The following MUC17 variants were observed in gnomAD, a reference collection of about 807,000 sequenced individuals.
MUC17 encodes the protein mucin 17, cell surface associated.
Under a neutral mutation model 170.3 loss-of-function variants are expected in MUC17, and 190 were observed. The observed-to-expected ratio is 1.12, with a 90% CI of 0.99 to 1.26. MUC17 has a LOEUF of 1.26. MUC17 is among the 50% of genes most tolerant of loss of function. The pLI, the probability that MUC17 is intolerant of heterozygous loss-of-function variation, is 0.00. For synonymous variants in MUC17, 2,325 were observed against 2,002.5 expected (o/e 1.16, Z -4.30); for missense variants, 6,415 against 5,530.0 (o/e 1.16, Z -5.08).
chr7:101,028,092 C>CTT (rs368730167), intron 1 of MUC17, among the ~76,000 whole-genome samples: 8 of 127,386 alleles, frequency 6.3e-5, no homozygotes, highest in Non-Finnish European at 8.4e-5. Flanking sequence ...TTTTTTAATT[C>CTT]TTTTTTTTTT....
Position 101,035,939 on chromosome 7 carries a change from C to T in MUC17, c.4523C>T (p.Thr1508Met), listed in dbSNP as rs374713003. 338 of 1,612,636 alleles carry T rather than the reference C, an allele frequency of 2.1e-4. 2 individuals are homozygous for T. The highest frequency in any genetic ancestry group is 3.2e-4 in the South Asian group (29 of 90,918). The change falls in exon 3 of 13, where the codon ACG (threonine) becomes ATG (methionine). Residue 1508 changes from threonine (T) to methionine (M), a missense_variant. Physicochemically the swap from Thr to Met is moderately conservative, Grantham distance 81. Transcript: ENST00000306151. ...GAAGGTACCAGCATAGCAATCTCAA[C>T]GCCTAGTGAAGGAAGCACTGCATTA... is the stretch of plus-strand genomic sequence containing the variant. ...PAEGTSIAIS[T>M]PSEGSTALTS...
chr7:101,020,368 C>A, intron 1 of MUC17, 151 bp downstream of exon 1: 1 of 513,846 alleles, frequency 1.9e-6, no homozygotes, highest in Non-Finnish European at 3.2e-6. Flanking sequence ...ACCCCCTGGA[C>A]TTCTCTTCTC....
Position 101,042,537 on chromosome 7 carries a change from C to A in MUC17, c.11121C>A (p.Thr3707=). ...TTMPVSTTRV[T]SSEGSTLSTP... ...TGCCTGTCAGCACCACACGTGTGACCAGCTCTGAGGGTAGCACCCTTTCAA... is the reference window on the plus strand; with the variant it reads ...TGCCTGTCAGCACCACACGTGTGACAAGCTCTGAGGGTAGCACCCTTTCAA... Residue 3707 remains threonine, a synonymous_variant, in exon 3 of 13, where the codon ACC becomes ACA. Transcript: ENST00000306151. The A allele has an allele frequency of 6.2e-7, 1 of 1,613,896 alleles. No individual in the cohort carries two copies. Among genetic ancestry groups the A allele is most frequent in the Non-Finnish European group, 8.5e-7 (1 of 1,179,970 alleles).
In MUC17 at chr7:101,040,696, A is replaced by T; in HGVS notation, c.9280A>T (p.Ser3094Cys). ...ATCTCCTACACCTGCTGAAGGTACC[A>T]GCATGCCAATCTCAACTTATAGTGA... ...SSSPTPAEGTSMPISTYSEGS... is the reference protein window; with the variant it reads ...SSSPTPAEGTCMPISTYSEGS... Residue 3094 changes from serine to cysteine, a missense_variant, in exon 3 of 13, where the codon AGC becomes TGC. Physicochemically the swap from Ser to Cys is moderately radical, Grantham distance 112. Coordinates refer to ENST00000306151, the MANE Select transcript of MUC17 (RefSeq NM_001040105.2). 2 of 1,613,286 alleles carry T rather than the reference A, an allele frequency of 1.2e-6. No individual in the cohort carries two copies. The highest frequency in any genetic ancestry group is 4.5e-5 in the East Asian group (2 of 44,802).
At position 101,033,732 on chromosome 7, in the gene MUC17, T is replaced by G; in HGVS notation, c.2316T>G (p.Leu772=). 6.2e-7 allele frequency: 1 copy of G among 1,613,830 alleles called. No individual in the cohort carries two copies. ...SEASTLSTTP[L]DTSTHITTST... is the part of the protein sequence containing the mutation. The stretch of plus-strand genomic sequence containing the variant: ...CTAGCACCCTTTCAACAACTCCTCT[T>G]GACACAAGCACACATATCACCACTT... The change falls in exon 3 of 13, where the codon CTT becomes CTG. Residue 772 remains leucine (L), a synonymous_variant. Transcript: ENST00000306151.
At position 101,053,395 on chromosome 7, in the gene MUC17, C is replaced by G. The variant is rs1345521759; in HGVS notation, c.13322C>G (p.Ala4441Gly). The G allele has an allele frequency of 6.2e-7, 1 of 1,614,158 alleles. No homozygotes were observed. The highest frequency in any genetic ancestry group is 1.7e-5 in the Admixed American group (1 of 60,016). The change falls in exon 11 of 13, where the codon GCT (alanine) becomes GGT (glycine). Residue 4441 changes from alanine (A) to glycine (G), a missense_variant. Physicochemically the swap from Ala to Gly is moderately conservative, Grantham distance 60. Coordinates refer to ENST00000306151, the MANE Select transcript of MUC17 (RefSeq NM_001040105.2). ...TGGCAAGAAGAGGACAGTGGACCAGCTCCTGGGACCTTCCAAAACATTGGC... is the reference window on the plus strand; with the variant it reads ...TGGCAAGAAGAGGACAGTGGACCAGGTCCTGGGACCTTCCAAAACATTGGC... ...YKWQEEDSGP[A>G]PGTFQNIGFD...
chr7:101,040,456 A>G lies in MUC17; in HGVS notation c.9040A>G (p.Thr3014Ala). 1 of 1,610,722 alleles carries G rather than the reference A, an allele frequency of 6.2e-7. No individual in the cohort carries two copies. The highest frequency in any genetic ancestry group is 8.5e-7 in the Non-Finnish European group (1 of 1,178,706). ...ASTLSRTPAD[T>A]STPVTTSTEA... ...CACCCTTTCAAGAACTCCTGCTGAC[A>G]CCAGCACACCTGTGACCACTTCTAC... The change falls in exon 3 of 13, where the codon ACC becomes GCC. Residue 3014 changes from threonine (T) to alanine (A), a missense_variant. Physicochemically the swap from Thr to Ala is moderately conservative, Grantham distance 58. Coordinates refer to ENST00000306151, the MANE Select transcript of MUC17 (RefSeq NM_001040105.2).
chr7:101,048,714 T>A, intron 4 of MUC17, 131 bp from the exon 5 acceptor site: 4 of 905,356 alleles, frequency 4.4e-6, no homozygotes, highest in Non-Finnish European at 6.7e-6. Context: ...GAAGGTGTAT[T>A]TTGGATACAA....
At chr7:101,048,388 C>G (rs1024455239) in intron 4 of MUC17, 1 of 240,300 alleles carries the variant, frequency 4.2e-6, no homozygotes, top group African/African-American at 2.3e-5. Context: ...GCCAGGAGCT[C>G]GAGACCAGCC....
At position 101,033,005 on chromosome 7, in the gene MUC17, C is replaced by A. The variant is rs928804082; in HGVS notation, c.1589C>A (p.Thr530Asn). 1.5e-5 allele frequency: 25 copies of A among 1,613,684 alleles called. No homozygotes were observed. The African/African-American group carries it at 2.5e-4, about 16-fold the overall frequency. The change falls in exon 3 of 13, where the codon ACC becomes AAC. Residue 530 changes from threonine (T) to asparagine (N), a missense_variant. By Grantham distance (65) the Thr-to-Asn change is moderately conservative. Transcript: ENST00000306151. ...CCGGTGGCCAGTTCTGAGGCTAGCA[C>A]CCTTTCAACAACTCCTGTTGACACC... The part of the protein sequence containing the change: ...TMPVASSEAS[T>N]LSTTPVDTST...
intron 1 of MUC17, among the ~76,000 whole-genome samples, chr7:101,025,694 T>C (rs927208970): frequency 1.3e-5 from 2 of 151,426 alleles, no homozygotes; most frequent in South Asian, 4.2e-4. Flanking sequence ...CTCAGGAGGC[T>C]GAGGCAGGTA....
rs202159240 is a variant in MUC17 at position 101,039,522 on chromosome 7, G to A, written c.8106G>A (p.Thr2702=). 142 of 1,611,462 alleles carry A rather than the reference G, an allele frequency of 8.8e-5. 1 individual carries two copies. Among genetic ancestry groups the A allele is most frequent in the Admixed American group, 5.4e-4 (32 of 59,602 alleles). The change falls in exon 3 of 13, where the codon ACG becomes ACA. Residue 2702 remains threonine (T), a synonymous_variant. Coordinates refer to ENST00000306151, the MANE Select transcript of MUC17 (RefSeq NM_001040105.2). ...TAACAAATATACTTGTCAGCACCAC[G>A]CTGTTGGCCAATTCTGAGGCTAGCA... ...TPLTNILVST[T]LLANSEASTL...
chr7:101,028,378 C>T (rs189988560), intron 1 of MUC17, among the ~76,000 whole-genome samples: 7 of 151,980 alleles, frequency 4.6e-5, no homozygotes, highest in East Asian at 3.9e-4. Context: ...CATAAGCCAC[C>T]GCGTCCAGAT....
In MUC17 at chr7:101,042,457, GGTACCACCA is replaced by G; in HGVS notation, c.11042_11050del (p.Gly3681_Met3684delinsVal). On this transcript the variant is annotated inframe_deletion, in exon 3 of 13. Coordinates refer to ENST00000306151, the MANE Select transcript of MUC17 (RefSeq NM_001040105.2). ...CAGTTCATCTCCTGTGACTCCTGAA[GGTACCACCA>G]TGCCAATCTGGACGCCTAGTGAAGG... is the stretch of plus-strand genomic sequence containing the variant. The G allele has an allele frequency of 1.9e-6, 3 of 1,613,442 alleles. No homozygotes were observed. Among genetic ancestry groups the G allele is most frequent in the Middle Eastern group, 1.7e-4 (1 of 6,060 alleles).
In MUC17 at chr7:101,051,802, G is replaced by C. The variant is rs1794950576; in HGVS notation, c.12944-1G>C. On this transcript the variant is annotated splice_acceptor_variant, in intron 8 of 12. Transcript: ENST00000306151. LOFTEE classifies it high-confidence loss of function. Reference sequence around the variant, plus strand: ...TTCCCTGTCCCTGCACCCCCCACCAGAGGACTGCCGGAAGATGGCCAAGGA... The same window carrying C: ...TTCCCTGTCCCTGCACCCCCCACCACAGGACTGCCGGAAGATGGCCAAGGA... 1 of 1,613,102 alleles carries C rather than the reference G, an allele frequency of 6.2e-7. No individual in the cohort carries two copies. Among genetic ancestry groups the C allele is most frequent in the African/African-American group, 1.3e-5 (1 of 75,052 alleles).
At position 101,035,437 on chromosome 7, in the gene MUC17, A is replaced by G. The variant is rs774686199; in HGVS notation, c.4021A>G (p.Ser1341Gly). The change falls in exon 3 of 13, where the codon AGT (serine) becomes GGT (glycine). Residue 1341 changes from serine to glycine, a missense_variant. By Grantham distance (56) the Ser-to-Gly change is moderately conservative. Coordinates refer to ENST00000306151, the MANE Select transcript of MUC17 (RefSeq NM_001040105.2). ...TYSEGRTPLTSIPVNTTLVAS... is the reference protein window; with the variant it reads ...TYSEGRTPLTGIPVNTTLVAS... ...TAGTGAAGGAAGAACTCCTTTAACA[A>G]GTATACCTGTCAACACCACACTGGT... is the stretch of plus-strand genomic sequence containing the variant. 1.2e-6 allele frequency: 2 copies of G among 1,602,456 alleles called. No individual in the cohort carries two copies. The highest frequency in any genetic ancestry group is 2.3e-5 in the East Asian group (1 of 44,086).
rs966999149 is a variant in MUC17 at position 101,049,182 on chromosome 7, C to T, written c.12664-142C>T. 7 of 1,413,506 alleles carry T rather than the reference C, an allele frequency of 5.0e-6. No homozygotes were observed. The Admixed American group carries it at 8.7e-5, about 18-fold the overall frequency. The allele number at this position is 1,413,506 out of a possible 1,614,324, so 87.6% of individuals were successfully genotyped here. A position where few individuals can be genotyped will look rare whatever the true frequency, so the allele number is the denominator to read the frequency against. ...AGGAGGCCCCTGGGGTGGAGCAGGT[C>T]TCTGGAAAGAAACCACTCCATTTGA... On this transcript the variant is annotated intron_variant, in intron 5 of 12. Transcript: ENST00000306151.
chr7:101,047,904 C>A, intron 3 of MUC17, 80 bp from the exon 4 acceptor site: 1 of 1,444,236 alleles, frequency 6.9e-7, no homozygotes, highest in South Asian at 1.5e-5. Flanking sequence ...CAACATGTAA[C>A]CACAGTAGAT....
rs1794360769 is a variant in MUC17 at position 101,033,591 on chromosome 7, C to T, written c.2175C>T (p.Ala725=). 6.2e-7 allele frequency: 1 copy of T among 1,613,836 alleles called. No individual in the cohort carries two copies. Among genetic ancestry groups the T allele is most frequent in the African/African-American group, 1.3e-5 (1 of 74,954 alleles). ...CACCTGTGACCACTTCAACTGAAGC[C>T]AGTTCCTCTCCTACAACTGCTGATG... ...TSTPVTTSTE[A]SSSPTTADGA... The change falls in exon 3 of 13, where the codon GCC becomes GCT. Residue 725 remains alanine (A), a synonymous_variant. Coordinates refer to ENST00000306151, the MANE Select transcript of MUC17 (RefSeq NM_001040105.2).
Sources: gnomAD v4.1 joint callset for allele counts (sites outside exome capture counted in the v4.1 genomes callset) on GRCh38, gnomAD v4.1.1 for gene constraint, MANE v1.5 for transcripts, NCBI Gene and HGNC (gene_info 2026-07-23, HGNC 2026-07-21) for gene names.